FGF14: variants seen among roughly 807,000 people sequenced by gnomAD.
FGF14 encodes the protein fibroblast growth factor homologous factor 4.
In FGF14, 5 loss-of-function variants were observed where a neutral mutation model predicts 25.5. The ratio of observed to expected loss-of-function variants is 0.20; its 90% CI spans 0.10 to 0.41. The LOEUF (loss-of-function observed/expected upper bound fraction) is 0.41, where lower values mean the gene tolerates loss of function less well. FGF14 is among the 10% of genes least tolerant of loss of function. The pLI is 1.00. For synonymous variants in FGF14, 138 were observed against 118.3 expected (o/e 1.17, Z -1.08); for missense variants, 222 against 320.1 (o/e 0.69, Z 2.34).
intron 3 of FGF14, among the ~76,000 whole-genome samples, chr13:101,754,015 T>C (rs1365632804): frequency 2.0e-5 from 3 of 152,172 alleles, no homozygotes; most frequent in Non-Finnish European, 4.4e-5. Context: ...CGGCCAAATC[T>C]GGAGACCACG....
At chr13:101,952,940 T>A (rs2493593) in intron 1 of FGF14, among the ~76,000 whole-genome samples, 67,673 of 151,766 alleles carry the variant, frequency 0.45, 17,732 homozygotes, top group African/African-American at 0.71. Flanking sequence ...AGACTGAGGC[T>A]GGAGAATTGC....
At chr13:102,040,900 G>A (rs1278222372) in intron 1 of FGF14, among the ~76,000 whole-genome samples, 1 of 151,978 alleles carries the variant, frequency 6.6e-6, no homozygotes, top group Non-Finnish European at 1.5e-5. Context: ...TTAAGATTGA[G>A]GTCTTAGCTA....
At chr13:102,109,232 A>T (rs2045090154) in intron 1 of FGF14, among the ~76,000 whole-genome samples, 1 of 152,194 alleles carries the variant, frequency 6.6e-6, no homozygotes, top group Admixed American at 6.5e-5. Context: ...ATCTCATGGA[A>T]GCAGAGTAGA....
intron 1 of FGF14, among the ~76,000 whole-genome samples, chr13:102,241,612 C>G (rs1342915624): frequency 6.6e-6 from 1 of 152,160 alleles, no homozygotes; most frequent in Non-Finnish European, 1.5e-5. Context: ...ACCTGCTTTG[C>G]TAATTTGAGC....
At chr13:101,851,501 A>G (rs1048772248) in intron 3 of FGF14, among the ~76,000 whole-genome samples, 8 of 152,074 alleles carry the variant, frequency 5.3e-5, no homozygotes, top group South Asian at 2.1e-4. Context: ...ACAACCAGTC[A>G]CTTGCATTTA....
intron 2 of FGF14, among the ~76,000 whole-genome samples, chr13:101,871,470 G>A (rs1199834595): frequency 6.6e-6 from 1 of 152,046 alleles, no homozygotes; most frequent in East Asian, 1.9e-4. Flanking sequence ...AAATCCTGTG[G>A]GGTGGTGGCC....
At chr13:101,834,647 T>C (rs1243684903) in intron 3 of FGF14, among the ~76,000 whole-genome samples, 1 of 151,922 alleles carries the variant, frequency 6.6e-6, no homozygotes, top group Non-Finnish European at 1.5e-5. Flanking sequence ...AACAGGACAA[T>C]CATTTGGGAC....
At chr13:102,135,066 C>T (rs988814393) in intron 1 of FGF14, among the ~76,000 whole-genome samples, 35 of 149,824 alleles carry the variant, frequency 2.3e-4, no homozygotes, top group African/African-American at 7.4e-5. Flanking sequence ...CACACAAATC[C>T]GCGTGGTGGT....
chr13:101,746,830 T>C (rs1353185947), intron 3 of FGF14, among the ~76,000 whole-genome samples: 1 of 152,010 alleles, frequency 6.6e-6, no homozygotes, highest in African/African-American at 2.4e-5. Context: ...CTTAAAATTA[T>C]CATAACGCAT....
Position 101,827,945 on chromosome 13 carries a change from A to G in FGF14, c.408+40780T>C, listed in dbSNP as rs201852556. Among the ~76,000 whole-genome samples the G allele has an allele frequency of 1.2e-4, 16 of 128,892 alleles. 1 individual carries two copies. Among genetic ancestry groups the G allele is most frequent in the Non-Finnish European group, 7.0e-5 (4 of 56,942 alleles). The allele number at this position is 128,892 out of a possible 152,430, so 84.6% of individuals were successfully genotyped here. On this transcript the variant is annotated intron_variant, in intron 3 of 4. Coordinates refer to ENST00000376143, the MANE Select transcript of FGF14 (RefSeq NM_004115.4). ...TTTCTAAAAAAAAAAAAAAAGAAAG[A>G]AAAAAGTGTGGTATACTGGTATGCT...
chr13:102,069,447 A>G (rs1413718118), intron 1 of FGF14, among the ~76,000 whole-genome samples: 1 of 152,146 alleles, frequency 6.6e-6, no homozygotes, highest in Admixed American at 6.5e-5. Context: ...CCCCTTCCAC[A>G]CTGTGAAAGC....
chr13:101,753,298 G>GACACAC (rs3064705), intron 3 of FGF14, among the ~76,000 whole-genome samples: 11 of 145,900 alleles, frequency 7.5e-5, no homozygotes, highest in African/African-American at 2.3e-4. Flanking sequence ...CACACAGACA[G>GACACAC]ACACACACAC....
At position 102,117,626 on chromosome 13, in the gene FGF14, C is replaced by T. The variant is rs540848602; in HGVS notation, c.209-242330G>A. The stretch of plus-strand genomic sequence containing the variant: ...AACTCAAGGGTTCATCCCGAGGGTA[C>T]TGGTAGAATAAACAGTGGCACACCC... On this transcript the variant is annotated intron_variant, in intron 1 of 4. Coordinates refer to the FGF14 transcript ENST00000376131. 2.0e-5 allele frequency among the ~76,000 whole-genome samples: 3 copies of T among 152,196 alleles called. No homozygotes were observed. The South Asian group carries it at 6.2e-4, about 32-fold the overall frequency.
At chr13:101,754,327 AAG>A (rs926794840) in intron 3 of FGF14, among the ~76,000 whole-genome samples, 31 of 152,324 alleles carry the variant, frequency 2.0e-4, no homozygotes, top group African/African-American at 6.7e-4. Flanking sequence ...CTTTGTTGCC[AAG>A]AGTTATCACA....
At chr13:102,378,162 CACA>C (rs1373032528) in intron 1 of FGF14, among the ~76,000 whole-genome samples, 1 of 152,104 alleles carries the variant, frequency 6.6e-6, no homozygotes, top group African/African-American at 2.4e-5. Flanking sequence ...CCATGGAGCA[CACA>C]ACACCAGGAG....
At chr13:102,393,727 C>T (rs1158484288) in intron 1 of FGF14, 1 of 152,188 alleles carries the variant, frequency 6.6e-6, no homozygotes, top group Non-Finnish European at 1.5e-5. Context: ...GTAAAATACG[C>T]GTTTCTTCAC....
chr13:101,910,921 T>C (rs2032867785), intron 1 of FGF14, among the ~76,000 whole-genome samples: 1 of 150,230 alleles, frequency 6.7e-6, no homozygotes, highest in Non-Finnish European at 1.5e-5. Flanking sequence ...AAAACAATAT[T>C]TGAAATATTA....
chr13:101,972,626 T>G (rs1283812288), intron 1 of FGF14, among the ~76,000 whole-genome samples: 3 of 152,122 alleles, frequency 2.0e-5, no homozygotes, highest in Non-Finnish European at 4.4e-5. Flanking sequence ...ATGACTCATT[T>G]CAATCTTATT....
intron 1 of FGF14, among the ~76,000 whole-genome samples, chr13:102,364,092 T>A (rs1431286264): frequency 6.6e-6 from 1 of 152,238 alleles, no homozygotes; most frequent in African/African-American, 2.4e-5. Context: ...ATTGTGTTAT[T>A]GCTACTTTTT....
Sources: gnomAD v4.1 joint callset for allele counts (sites outside exome capture counted in the v4.1 genomes callset) on GRCh38, gnomAD v4.1.1 for gene constraint, MANE v1.5 for transcripts, NCBI Gene and HGNC (gene_info 2026-07-23, HGNC 2026-07-21) for gene names.